The following USH2A variants were observed in gnomAD, a reference collection of about 807,000 sequenced individuals.
USH2A encodes the protein Usher syndrome 2A (autosomal recessive, mild).
In USH2A, 443 loss-of-function variants were observed where a neutral mutation model predicts 538.9. The observed-to-expected ratio is 0.82, with a 90% CI of 0.76 to 0.89. The LOEUF is 0.89. Ranked by LOEUF, USH2A falls within the 40% of genes least tolerant of loss-of-function variation. USH2A has a pLI of 0.00. For synonymous variants in USH2A, 2,413 were observed against 2,273.5 expected (o/e 1.06, Z -1.75); for missense variants, 6,633 against 6,324.8 (o/e 1.05, Z -1.65).
At chr1:216,160,347 A>T (rs1025639119) in intron 21 of USH2A, among the ~76,000 whole-genome samples, 2 of 152,104 alleles carry the variant, frequency 1.3e-5, no homozygotes, top group African/African-American at 4.8e-5. Context: ...TTAAGGCATT[A>T]TTATCATTAG....
At chr1:215,814,045 T>C (rs1662785269) in intron 48 of USH2A, 141 bp from the exon 49 acceptor site, 2 of 1,021,570 alleles carry the variant, frequency 2.0e-6, no homozygotes, top group Admixed American at 2.3e-5. Context: ...GGTTTAAAAA[T>C]GTATTTTCCA....
intron 61 of USH2A, among the ~76,000 whole-genome samples, chr1:215,691,494 T>C (rs1317938222): frequency 6.6e-6 from 1 of 152,136 alleles, no homozygotes; most frequent in Non-Finnish European, 1.5e-5. Flanking sequence ...TATGCATAGG[T>C]TTGCATGAGT....
chr1:215,983,351 G>T (rs1667796337), intron 35 of USH2A, among the ~76,000 whole-genome samples: 2 of 152,082 alleles, frequency 1.3e-5, no homozygotes, highest in African/African-American at 2.4e-5. Flanking sequence ...TGATAACAAA[G>T]AAATATTTTA....
chr1:215,796,468 C>T (rs1192976264), intron 50 of USH2A, among the ~76,000 whole-genome samples: 3 of 150,244 alleles, frequency 2.0e-5, no homozygotes, highest in Admixed American at 2.0e-4. Context: ...TGGTCAATGA[C>T]CTTTGATGTT....
chr1:216,395,429 C>A (rs1216525657), intron 3 of USH2A, among the ~76,000 whole-genome samples: 2 of 152,140 alleles, frequency 1.3e-5, no homozygotes, highest in Admixed American at 6.5e-5. Flanking sequence ...TATTAGCTAC[C>A]CTTAGAAATT....
chr1:215,774,731 G>A (rs988446267), intron 55 of USH2A, among the ~76,000 whole-genome samples: 5 of 152,002 alleles, frequency 3.3e-5, no homozygotes, highest in African/African-American at 9.7e-5. Flanking sequence ...CAGAACTGGA[G>A]TGACAAAACA....
At chr1:215,678,742 A>G (rs1658120215) in intron 62 of USH2A, among the ~76,000 whole-genome samples, 1 of 152,078 alleles carries the variant, frequency 6.6e-6, no homozygotes, top group Non-Finnish European at 1.5e-5. Flanking sequence ...ACGCACGTGC[A>G]CTCACACACG....
chr1:215,881,243 C>T (rs183367695), intron 41 of USH2A, among the ~76,000 whole-genome samples: 5 of 152,262 alleles, frequency 3.3e-5, no homozygotes, highest in African/African-American at 7.2e-5. Context: ...TGGGTTCGAG[C>T]GATTCTCCTG....
chr1:216,018,657 G>A (rs957331610), intron 32 of USH2A, among the ~76,000 whole-genome samples: 1 of 152,096 alleles, frequency 6.6e-6, no homozygotes, highest in Non-Finnish European at 1.5e-5. Context: ...CAAAACTGTG[G>A]CACATTATGA....
At chr1:216,019,353 C>A (rs1668790111) in intron 32 of USH2A, among the ~76,000 whole-genome samples, 2 of 152,090 alleles carry the variant, frequency 1.3e-5, no homozygotes, top group African/African-American at 4.8e-5. Flanking sequence ...GGAAGTAATA[C>A]TAAAAACCAT....
chr1:216,219,145 A>G (rs751343607), intron 14 of USH2A, among the ~76,000 whole-genome samples: 2 of 152,032 alleles, frequency 1.3e-5, no homozygotes, highest in African/African-American at 2.4e-5. Context: ...TCCAATGTAT[A>G]ACATAATTCC....
intron 32 of USH2A, among the ~76,000 whole-genome samples, chr1:216,035,789 C>A (rs906521680): frequency 1.3e-5 from 2 of 152,152 alleles, no homozygotes; most frequent in Middle Eastern, 3.4e-3. Context: ...GTTTTTTCAA[C>A]TTAATTCATT....
intron 45 of USH2A, among the ~76,000 whole-genome samples, chr1:215,844,971 A>G (rs2102822311): frequency 6.6e-6 from 1 of 152,318 alleles, no homozygotes; most frequent in African/African-American, 2.4e-5. Context: ...TGAAGCAATA[A>G]TGCAATATTG....
intron 40 of USH2A, among the ~76,000 whole-genome samples, chr1:215,896,998 A>G (rs1280232842): frequency 2.0e-5 from 3 of 152,136 alleles, no homozygotes; most frequent in Admixed American, 6.6e-5. Flanking sequence ...GCATCAGCAC[A>G]CTAGATTTTT....
At chr1:216,233,664 T>C (rs2035747926) in intron 13 of USH2A, among the ~76,000 whole-genome samples, 1 of 152,114 alleles carries the variant, frequency 6.6e-6, no homozygotes, top group Non-Finnish European at 1.5e-5. Flanking sequence ...GACTTTAGCT[T>C]ACCTCTAAAA....
chr1:215,709,645 TAAAAAAA>T (rs5780846), intron 61 of USH2A, among the ~76,000 whole-genome samples: 2 of 127,036 alleles, frequency 1.6e-5, no homozygotes, highest in Non-Finnish European at 3.3e-5. Flanking sequence ...AGATAATTTG[TAAAAAAA>T]AAAAAAAAAA....
intron 11 of USH2A, 54 bp from the exon 12 acceptor site, chr1:216,251,152 T>A: frequency 1.3e-6 from 2 of 1,584,474 alleles, no homozygotes; most frequent in Non-Finnish European, 1.7e-6. Context: ...TTTTAGATAA[T>A]TTGCTCATTA....
rs575939496 is a variant in USH2A at position 215,900,142 on chromosome 1, C to A, written c.7527G>T (p.Arg2509=). 3.2e-5 allele frequency: 52 copies of A among 1,613,818 alleles called. No homozygotes were observed. In the South Asian group the frequency reaches 5.2e-4, roughly 16 times the overall value. The change falls in exon 40 of 72, where the codon CGG becomes CGT. Residue 2509 remains arginine, a synonymous_variant. Transcript: ENST00000307340. ...DLQPYTEYMF[R]LVASNGFGSA... ...TGCCAAATCCATTGGAGGCAACCAA[C>A]CGAAACATATACTCTGTGTACGGTT...
chr1:215,694,746 A>T (rs1311407416), intron 61 of USH2A, among the ~76,000 whole-genome samples: 1 of 152,322 alleles, frequency 6.6e-6, no homozygotes, highest in Non-Finnish European at 1.5e-5. Flanking sequence ...CCACTTCCTA[A>T]TAACATCACA....
Sources: gnomAD v4.1 joint callset for allele counts (sites outside exome capture counted in the v4.1 genomes callset) on GRCh38, gnomAD v4.1.1 for gene constraint, MANE v1.5 for transcripts, NCBI Gene and HGNC (gene_info 2026-07-23, HGNC 2026-07-21) for gene names.